TNN: variants seen among roughly 807,000 people sequenced by gnomAD.
TNN encodes the protein tenascin-N.
In TNN, 122 loss-of-function variants were observed where a neutral mutation model predicts 134.4. The ratio of observed to expected loss-of-function variants is 0.91; its 90% CI spans 0.78 to 1.06. The LOEUF is 1.06. Among genes scored for constraint, TNN ranks in the 50% least tolerant of loss-of-function variants. The pLI is 0.00. For synonymous variants in TNN, 710 were observed against 670.3 expected (o/e 1.06, Z -0.91); for missense variants, 1,739 against 1,699.4 (o/e 1.02, Z -0.41).
intron 17 of TNN, among the ~76,000 whole-genome samples, chr1:175,138,476 AGAGG>A (rs1292482998): frequency 6.6e-6 from 1 of 152,120 alleles, no homozygotes; most frequent in Non-Finnish European, 1.5e-5. Context: ...GAGGGGACAA[AGAGG>A]GAGGGGTAGG....
intron 17 of TNN, among the ~76,000 whole-genome samples, chr1:175,143,517 A>AGG (rs1675986869): frequency 6.2e-5 from 2 of 32,442 alleles, no homozygotes; most frequent in Non-Finnish European, 1.2e-4. Flanking sequence ...GTTTGTGTGT[A>AGG]GGTGTGTGTG....
intron 11 of TNN, among the ~76,000 whole-genome samples, chr1:175,121,760 C>G (rs1002039066): frequency 5.3e-5 from 8 of 152,104 alleles, no homozygotes; most frequent in African/African-American, 1.9e-4. Context: ...CAAGTATGAC[C>G]TGTGTTTTTT....
rs10912888 is a variant in TNN at position 175,118,470 on chromosome 1, T to G, written c.2387-91T>G. The G allele has an allele frequency of 5.1e-4, 747 of 1,474,310 alleles. 1 individual carries two copies. Among genetic ancestry groups the G allele is most frequent in the Non-Finnish European group, 6.2e-4 (668 of 1,076,592 alleles). 91.3% of individuals were successfully genotyped at this position (1,474,310 alleles called of 1,614,324 possible). A position where few individuals can be genotyped will look rare whatever the true frequency, so the allele number is the denominator to read the frequency against. On this transcript the variant is annotated intron_variant, in intron 10 of 18. Coordinates refer to ENST00000239462, the MANE Select transcript of TNN (RefSeq NM_022093.2). ...TATGAGGCGGAAACCCCACACAACATGAAAGGGTTTCACCCCACGCAAAAT... is the reference window on the plus strand; with the variant it reads ...TATGAGGCGGAAACCCCACACAACAGGAAAGGGTTTCACCCCACGCAAAAT...
intron 17 of TNN, among the ~76,000 whole-genome samples, chr1:175,139,611 C>T (rs1453187807): frequency 1.4e-5 from 1 of 70,814 alleles, no homozygotes; most frequent in Non-Finnish European, 3.6e-5. Context: ...GGCTGTTTTA[C>T]AGGATTTTTT....
intron 10 of TNN, 90 bp from the exon 11 acceptor site, chr1:175,118,471 G>A: frequency 6.7e-7 from 1 of 1,486,430 alleles, no homozygotes; most frequent in Non-Finnish European, 9.2e-7. Context: ...CACACAACAT[G>A]AAAGGGTTTC....
Position 175,094,094 on chromosome 1 carries a change from T to A in TNN, c.1429T>A (p.Tyr477Asn). ...TGTCATAGACAAGTATGTAGTGCGC[T>A]ACACTTCTGCTGATGGGGACACCAA... ...QAVIDKYVVR[Y>N]TSADGDTKEM... The change falls in exon 7 of 19, where the codon TAC becomes AAC. Residue 477 changes from tyrosine (Y) to asparagine (N), a missense_variant. Transcript: ENST00000239462. 1 of 1,614,210 alleles carries A rather than the reference T, an allele frequency of 6.2e-7. No individual in the cohort carries two copies. The highest frequency in any genetic ancestry group is 8.5e-7 in the Non-Finnish European group (1 of 1,180,040).
chr1:175,088,399 A>G (rs539051907), intron 6 of TNN, among the ~76,000 whole-genome samples: 79 of 152,176 alleles, frequency 5.2e-4, no homozygotes, highest in African/African-American at 1.8e-3. Flanking sequence ...AAAACCAAAC[A>G]TGTGTTTCTT....
intron 15 of TNN, among the ~76,000 whole-genome samples, chr1:175,131,465 G>A (rs1408812670): frequency 2.0e-5 from 3 of 152,094 alleles, no homozygotes; most frequent in African/African-American, 4.8e-5. Flanking sequence ...AAACTTATTT[G>A]GTAAGGGGGT....
rs537018764 is a variant in TNN, at chr1:175,090,445, C to T, written c.1325-3545C>T. On this transcript the variant is annotated intron_variant, in intron 6 of 18. Coordinates refer to ENST00000239462, the MANE Select transcript of TNN (RefSeq NM_022093.2). ...CACCTTCAAATCAATGACACAGGTC[C>T]TGCCCCCCGTGTCTTCCTCCCCCAA... Among the ~76,000 whole-genome samples, 947 of 104,710 alleles carry T rather than the reference C, an allele frequency of 9.0e-3. 13 individuals are homozygous for T. The highest frequency in any genetic ancestry group is 0.04 in the African/African-American group (901 of 22,434). The allele number at this position is 104,710 out of a possible 152,430, so 68.7% of individuals were successfully genotyped here.
rs891817352 is a variant in TNN at position 175,104,841 on chromosome 1, C to T, written c.2119+6246C>T. Among the ~76,000 whole-genome samples the T allele has an allele frequency of 4.8e-5, 7 of 145,842 alleles. 1 individual carries two copies. Among genetic ancestry groups the T allele is most frequent in the Non-Finnish European group, 1.1e-4 (7 of 65,764 alleles). ...TTTCTTAAGGCCTCTTGTAGCCGCT[C>T]GAGGAAGGCAGAAGGATTTTCTTCC... On this transcript the variant is annotated intron_variant, in intron 9 of 18. Transcript: ENST00000239462.
Position 175,098,448 on chromosome 1 carries a change from G to A in TNN, c.1972G>A (p.Gly658Ser), listed in dbSNP as rs2149433140. 1 of 1,614,200 alleles carries A rather than the reference G, an allele frequency of 6.2e-7. No individual in the cohort carries two copies. Among genetic ancestry groups the A allele is most frequent in the African/African-American group, 1.3e-5 (1 of 75,034 alleles). ...GTACGTGGTGCGCTACACCTCTGCTGGTGGAGAGACCAGGGAGGTTCCGGT... is the reference window on the plus strand; with the variant it reads ...GTACGTGGTGCGCTACACCTCTGCTAGTGGAGAGACCAGGGAGGTTCCGGT... Reference protein sequence around the residue: ...DKYVVRYTSAGGETREVPVGK... With the variant: ...DKYVVRYTSASGETREVPVGK... The change falls in exon 9 of 19, where the codon GGT (glycine) becomes AGT (serine). Residue 658 changes from glycine to serine, a missense_variant. Transcript: ENST00000239462.
chr1:175,123,477 G>T lies in TNN; in HGVS notation c.2728G>T (p.Ala910Ser). 1.2e-6 allele frequency: 2 copies of T among 1,614,198 alleles called. No individual in the cohort carries two copies. The highest frequency in any genetic ancestry group is 8.5e-7 in the Non-Finnish European group (1 of 1,180,030). Residue 910 changes from alanine to serine, a missense_variant, in exon 12 of 19, where the codon GCC (alanine) becomes TCC (serine). Transcript: ENST00000239462. Reference protein sequence around the residue: ...MATVSWDPVQATIDKYMVRYT... With the variant: ...MATVSWDPVQSTIDKYMVRYT... ...CACTGTCTCCTGGGACCCGGTTCAG[G>T]CCACCATTGACAAGTACATGGTGCG...
At chr1:175,128,796 G>A (rs754803298) in intron 15 of TNN, 50 bp downstream of exon 15, 1 of 1,544,994 alleles carries the variant, frequency 6.5e-7, no homozygotes, top group Admixed American at 1.9e-5. Context: ...TTCCTTCTCA[G>A]CCCAGGATGC....
intron 18 of TNN, 31 bp downstream of exon 18, chr1:175,144,581 C>T (rs768041028): frequency 1.2e-6 from 2 of 1,608,058 alleles, no homozygotes; most frequent in East Asian, 2.2e-5. Context: ...TTTTCTGTCC[C>T]AGGGTATGTC....
Position 175,079,514 on chromosome 1 carries a change from C to T in TNN, c.591C>T (p.Cys197=), listed in dbSNP as rs747120986. The change falls in exon 3 of 19, where the codon TGC becomes TGT. Residue 197 remains cysteine, a synonymous_variant. Transcript: ENST00000239462. Reference sequence around the variant, plus strand: ...ATGAGCCCTACGTGGGTGCCGACTGCGGCTACCCGGCCTGCCCTGAGAACT... The same window carrying T: ...ATGAGCCCTACGTGGGTGCCGACTGTGGCTACCCGGCCTGCCCTGAGAACT... ...LCHEPYVGAD[C]GYPACPENCS... is the part of the protein sequence containing the mutation. 4 of 1,561,524 alleles carry T rather than the reference C, an allele frequency of 2.6e-6. No homozygotes were observed. The highest frequency in any genetic ancestry group is 4.8e-5 in the East Asian group (2 of 41,614).
At chr1:175,101,588 G>A (rs1174014519) in intron 9 of TNN, among the ~76,000 whole-genome samples, 2 of 149,776 alleles carry the variant, frequency 1.3e-5, no homozygotes, top group African/African-American at 4.9e-5. Flanking sequence ...TTGTCAGGGC[G>A]CTGATTGGTG....
chr1:175,135,764 G>A, intron 15 of TNN, 81 bp from the exon 16 acceptor site: 1 of 1,121,524 alleles, frequency 8.9e-7, no homozygotes, highest in South Asian at 1.2e-5. Flanking sequence ...CAGTGTATGA[G>A]CAAGCTCTTG....
intron 11 of TNN, among the ~76,000 whole-genome samples, chr1:175,123,178 A>T (rs1399679150): frequency 6.6e-6 from 1 of 152,160 alleles, no homozygotes; most frequent in African/African-American, 2.4e-5. Context: ...AAGGACAGAA[A>T]TTTTTTATAT....
intron 4 of TNN, among the ~76,000 whole-genome samples, chr1:175,082,220 C>T (rs1378582231): frequency 6.6e-6 from 1 of 152,214 alleles, no homozygotes; most frequent in Non-Finnish European, 1.5e-5. Flanking sequence ...CCCAGTGCAG[C>T]ACAGAGATGC....
Sources: gnomAD v4.1 joint callset for allele counts (sites outside exome capture counted in the v4.1 genomes callset) on GRCh38, gnomAD v4.1.1 for gene constraint, MANE v1.5 for transcripts, NCBI Gene and HGNC (gene_info 2026-07-23, HGNC 2026-07-21) for gene names.